MPZL1: variants seen among roughly 807,000 people sequenced by gnomAD.
MPZL1 encodes the protein myelin protein zero-like protein 1.
In MPZL1, 16 loss-of-function variants were observed where a neutral mutation model predicts 29.3. The ratio of observed to expected loss-of-function variants is 0.55; its 90% CI spans 0.37 to 0.83. The LOEUF (loss-of-function observed/expected upper bound fraction) is 0.83. MPZL1 is among the 40% of genes least tolerant of loss of function. MPZL1 has a pLI of 0.00. For synonymous variants in MPZL1, 143 were observed against 132.0 expected, an observed-to-expected ratio of 1.08 and a Z score of -0.57; for missense variants, 279 against 332.9, an observed-to-expected ratio of 0.84 and a Z score of 1.26.
intron 1 of MPZL1, among the ~76,000 whole-genome samples, chr1:167,740,085 C>A (rs1382494422): frequency 2.4e-4 from 37 of 152,308 alleles, no homozygotes; most frequent in Admixed American, 2.4e-3. Flanking sequence ...ACCTGGCAAT[C>A]CCTCAACCCT....
chr1:167,722,008 C>A lies in MPZL1; in HGVS notation c.-144C>A. On this transcript the variant is annotated 5_prime_UTR_variant, in exon 1 of 6. Transcript: ENST00000359523. Reference sequence around the variant, plus strand: ...CAGAGCTGGAGAGCCGCGGCTGGGACCGGAGTGGGGAGCGCGGCGTGGAGG... The same window carrying A: ...CAGAGCTGGAGAGCCGCGGCTGGGAACGGAGTGGGGAGCGCGGCGTGGAGG... 1 of 1,162,220 alleles carries A rather than the reference C, an allele frequency of 8.6e-7. No individual in the cohort carries two copies. The highest frequency in any genetic ancestry group is 1.1e-6 in the Non-Finnish European group (1 of 925,258). 72.0% of individuals were successfully genotyped at this position (1,162,220 alleles called of 1,614,324 possible). A position where few individuals can be genotyped will look rare whatever the true frequency, so the allele number is the denominator to read the frequency against.
In MPZL1 at chr1:167,763,412, A is replaced by T. The variant is rs543393088; in HGVS notation, c.92-2171A>T. Among the ~76,000 whole-genome samples, 4 of 151,536 alleles carry T rather than the reference A, an allele frequency of 2.6e-5. No homozygotes were observed. The East Asian group carries it at 7.8e-4, about 30-fold the overall frequency. On this transcript the variant is annotated intron_variant, in intron 1 of 5. Coordinates refer to ENST00000359523, the MANE Select transcript of MPZL1 (RefSeq NM_003953.6). ...GTGTCTGTAATCCCAGCTACTCGGG[A>T]GGCTGAGGCAGGAGAATTGCTTGAA...
In MPZL1 at chr1:167,772,544, G is replaced by A. The variant is rs188344083; in HGVS notation, c.472+56G>A. ...TGCAGTCTCCTTTATCTCATGTTTG[G>A]TTGGAAAACATGAGTTGCATTTCAT... On this transcript the variant is annotated intron_variant, in intron 3 of 5. Transcript: ENST00000359523. 319 of 1,481,210 alleles carry A rather than the reference G, an allele frequency of 2.2e-4. No homozygotes were observed. The African/African-American group carries it at 3.7e-3, about 17-fold the overall frequency. 91.8% of individuals were successfully genotyped at this position (1,481,210 alleles called of 1,614,324 possible). A position where few individuals can be genotyped will look rare whatever the true frequency, so the allele number is the denominator to read the frequency against.
At chr1:167,726,370 C>CT (rs1189832622) in intron 1 of MPZL1, among the ~76,000 whole-genome samples, 4 of 152,174 alleles carry the variant, frequency 2.6e-5, no homozygotes, top group South Asian at 2.1e-4. Flanking sequence ...TTTTTCTTCT[C>CT]TTTTTTTTCC....
At chr1:167,764,418 G>A (rs1222616645) in intron 1 of MPZL1, among the ~76,000 whole-genome samples, 1 of 152,178 alleles carries the variant, frequency 6.6e-6, no homozygotes, top group Non-Finnish European at 1.5e-5. Context: ...CTTGATGGGT[G>A]AAATGAAAAT....
chr1:167,756,429 A>ATTTTTTTT (rs11455159), intron 1 of MPZL1, among the ~76,000 whole-genome samples: 1 of 94,632 alleles, frequency 1.1e-5, no homozygotes, highest in African/African-American at 4.2e-5. Flanking sequence ...GTCTGGCCAG[A>ATTTTTTTT]TTTTTTTTTT....
intron 3 of MPZL1, 41 bp downstream of exon 3, chr1:167,772,529 T>C: frequency 6.6e-7 from 1 of 1,522,660 alleles, no homozygotes; most frequent in Non-Finnish European, 9.0e-7. Flanking sequence ...TGCAGTCTCC[T>C]TTATCTCATG....
intron 3 of MPZL1, 75 bp from the exon 4 acceptor site, chr1:167,773,161 T>C (rs746059872): frequency 5.5e-5 from 80 of 1,463,066 alleles, no homozygotes; most frequent in Non-Finnish European, 7.1e-5. Flanking sequence ...AGATACTTGC[T>C]CGTTAATTTA....
At chr1:167,784,789 T>G (rs1379159040) in intron 5 of MPZL1, among the ~76,000 whole-genome samples, 1 of 152,222 alleles carries the variant, frequency 6.6e-6, no homozygotes, top group Non-Finnish European at 1.5e-5. Context: ...CTTAAGACCT[T>G]ATTATATTCT....
intron 1 of MPZL1, among the ~76,000 whole-genome samples, chr1:167,745,146 G>A (rs981767715): frequency 1.3e-5 from 2 of 152,028 alleles, no homozygotes; most frequent in African/African-American, 2.4e-5. Flanking sequence ...GTCCTTATAT[G>A]CCCCTTCAGC....
rs1436966112 is a variant in MPZL1, at chr1:167,765,420, C to T, written c.92-163C>T. The stretch of plus-strand genomic sequence containing the variant: ...CAATTATTCTGTTTATAGTGCTATT[C>T]TGATTGAACTTAGCTGTAGAATATT... On this transcript the variant is annotated intron_variant, in intron 1 of 5. Coordinates refer to ENST00000359523, the MANE Select transcript of MPZL1 (RefSeq NM_003953.6). The T allele has an allele frequency of 8.0e-6, 4 of 502,458 alleles. 1 individual carries two copies. In the South Asian group the frequency reaches 1.6e-4, roughly 20 times the overall value. The allele number at this position is 502,458 out of a possible 1,614,324, so 31.1% of individuals were successfully genotyped here.
intron 1 of MPZL1, among the ~76,000 whole-genome samples, chr1:167,759,597 A>G (rs937265030): frequency 6.6e-6 from 1 of 152,212 alleles, no homozygotes; most frequent in Non-Finnish European, 1.5e-5. Context: ...GCTTGGCAAA[A>G]GTTAATTTGG....
At chr1:167,773,482 T>C (rs1661294380) in intron 4 of MPZL1, 114 bp downstream of exon 4, 1 of 1,288,272 alleles carries the variant, frequency 7.8e-7, no homozygotes, top group Non-Finnish European at 1.0e-6. Context: ...TTTTCTTTCA[T>C]GTCAGAATCA....
At chr1:167,786,246 CAG>C (rs1398074168) in intron 5 of MPZL1, among the ~76,000 whole-genome samples, 6 of 152,276 alleles carry the variant, frequency 3.9e-5, no homozygotes, top group Admixed American at 1.3e-4. Context: ...GATAAACACA[CAG>C]AGTTTGACTA....
chr1:167,745,089 T>C (rs1465388365), intron 1 of MPZL1, among the ~76,000 whole-genome samples: 2 of 152,126 alleles, frequency 1.3e-5, no homozygotes, highest in African/African-American at 4.8e-5. Context: ...AGGAAAAGGA[T>C]ACTGGCTCTC....
At position 167,780,061 on chromosome 1, in the gene MPZL1, G is replaced by A. The variant is rs1661463341; in HGVS notation, c.708+3895G>A. Among the ~76,000 whole-genome samples the A allele has an allele frequency of 3.9e-5, 6 of 152,290 alleles. No homozygotes were observed. The South Asian group carries it at 1.2e-3, about 32-fold the overall frequency. ...GTAGAGCTTGAAAATAAGTAAAACT[G>A]AGAGAATTGGAAGGAAAAATTGACG... is the stretch of plus-strand genomic sequence containing the variant. On this transcript the variant is annotated intron_variant, in intron 5 of 5. Transcript: ENST00000359523.
rs148979779 is a variant in MPZL1, at chr1:167,790,959, C to G, written c.*3038C>G. ...CTTCTGGGCCTTTGCACATGCTGTT[C>G]CCTGGGCCTGAAGCATGCCTTCTGC... On this transcript the variant is annotated 3_prime_UTR_variant, in exon 6 of 6. Coordinates refer to ENST00000359523, the MANE Select transcript of MPZL1 (RefSeq NM_003953.6). 98 of 152,260 alleles carry G rather than the reference C, an allele frequency of 6.4e-4. No homozygotes were observed. Among genetic ancestry groups the G allele is most frequent in the African/African-American group, 2.3e-3 (96 of 41,522 alleles). 9.4% of individuals were successfully genotyped at this position (152,260 alleles called of 1,614,324 possible). A position where few individuals can be genotyped will look rare whatever the true frequency, so the allele number is the denominator to read the frequency against.
chr1:167,763,846 T>C (rs2101780679), intron 1 of MPZL1, among the ~76,000 whole-genome samples: 1 of 152,234 alleles, frequency 6.6e-6, no homozygotes, highest in Non-Finnish European at 1.5e-5. Context: ...TAATCCACCC[T>C]CTTTCGCAGA....
chr1:167,754,802 T>A (rs1660833873), intron 1 of MPZL1, among the ~76,000 whole-genome samples: 1 of 152,226 alleles, frequency 6.6e-6, no homozygotes, highest in Non-Finnish European at 1.5e-5. Context: ...ACCCAGGCCA[T>A]ACCCCTTACC....
Sources: allele counts gnomAD v4.1 joint callset (sites outside exome capture counted in the v4.1 genomes callset), GRCh38; gene constraint gnomAD v4.1.1; transcripts MANE v1.5; gene names NCBI Gene and HGNC (gene_info 2026-07-23, HGNC 2026-07-21).